Variants in TNFSF13B observed in about 807,000 individuals in gnomAD.
The protein encoded by TNFSF13B is tumor necrosis factor ligand superfamily member 13B.
TNFSF13B carries 8 observed loss-of-function variants against 29.1 expected under a neutral mutation model. The ratio of observed to expected loss-of-function variants is 0.27; its 90% CI spans 0.16 to 0.50. The LOEUF is 0.50. TNFSF13B is among the 20% of genes least tolerant of loss of function. The probability of loss-of-function intolerance (pLI) is 0.98; values close to 1 mark genes in which losing one functional copy is unlikely to be tolerated. For missense variants in TNFSF13B, 248 were observed against 334.9 expected (o/e 0.74, Z 2.03); for synonymous variants, 125 against 130.8 (o/e 0.96, Z 0.30).
chr13:108,280,416 A>G (rs1178079630), intron 2 of TNFSF13B, among the ~76,000 whole-genome samples: 1 of 152,174 alleles, frequency 6.6e-6, no homozygotes, highest in Non-Finnish European at 1.5e-5. Flanking sequence ...GTGAAGATTT[A>G]ATTGCTGATT....
intron 2 of TNFSF13B, among the ~76,000 whole-genome samples, chr13:108,273,257 T>C (rs975676198): frequency 1.3e-5 from 2 of 152,122 alleles, no homozygotes; most frequent in African/African-American, 4.8e-5. Context: ...ATAAACCTAT[T>C]GGAAAATTAT....
intron 2 of TNFSF13B, among the ~76,000 whole-genome samples, chr13:108,284,348 A>G (rs996559562): frequency 3.7e-5 from 5 of 133,396 alleles, no homozygotes; most frequent in African/African-American, 1.0e-4. Context: ...ATAAATAAAT[A>G]AATAAATGAA....
rs1019655197 is a variant in TNFSF13B, at chr13:108,308,020, C to T, written c.*1082C>T. 6.6e-6 allele frequency: 1 copy of T among 151,802 alleles called. No homozygotes were observed. Among genetic ancestry groups the T allele is most frequent in the Non-Finnish European group, 1.5e-5 (1 of 67,866 alleles). The allele number at this position is 151,802 out of a possible 1,614,324, so 9.4% of individuals were successfully genotyped here. On this transcript the variant is annotated 3_prime_UTR_variant, in exon 6 of 6. Transcript: ENST00000375887. ...TCCCGGTTTTCATTTTATAAAGTAC[C>T]ATACTTAAGAATGCTGTAATACTTA...
intron 2 of TNFSF13B, among the ~76,000 whole-genome samples, chr13:108,281,450 A>G (rs1176934016): frequency 6.6e-6 from 1 of 152,098 alleles, no homozygotes; most frequent in Non-Finnish European, 1.5e-5. Context: ...CACGACTTCA[A>G]TTTTTCTTCA....
chr13:108,270,938 A>C (rs1264080820), intron 2 of TNFSF13B, among the ~76,000 whole-genome samples: 1 of 150,682 alleles, frequency 6.6e-6, no homozygotes, highest in African/African-American at 2.5e-5. Flanking sequence ...TTATTTGTTA[A>C]AAAGGTTATT....
At chr13:108,295,140 A>G (rs777826827) in intron 3 of TNFSF13B, among the ~76,000 whole-genome samples, 6 of 144,328 alleles carry the variant, frequency 4.2e-5, no homozygotes, top group Admixed American at 3.4e-4. Context: ...TTTTGTTCAT[A>G]TTTTTCAAAA....
chr13:108,286,112 CTCTT>C (rs1196101882), intron 2 of TNFSF13B, among the ~76,000 whole-genome samples: 1 of 152,190 alleles, frequency 6.6e-6, no homozygotes, highest in Admixed American at 6.5e-5. Context: ...TGTTCTATCT[CTCTT>C]TCTCTCTTTG....
At chr13:108,284,117 C>T (rs1228740475) in intron 2 of TNFSF13B, among the ~76,000 whole-genome samples, 1 of 152,076 alleles carries the variant, frequency 6.6e-6, no homozygotes. Context: ...TTCACGAGGT[C>T]AGGAGATCGA....
intron 3 of TNFSF13B, among the ~76,000 whole-genome samples, chr13:108,297,421 G>T (rs1012291660): frequency 6.9e-6 from 1 of 145,270 alleles, no homozygotes; most frequent in African/African-American, 2.6e-5. Flanking sequence ...GTCTTGGTAG[G>T]AATCTTTTGT....
intron 2 of TNFSF13B, among the ~76,000 whole-genome samples, chr13:108,286,197 C>G (rs1396754254): frequency 6.6e-6 from 1 of 152,186 alleles, no homozygotes; most frequent in Non-Finnish European, 1.5e-5. Context: ...ATTCTGGTCC[C>G]ATCACTTTCT....
At chr13:108,276,507 T>A (rs1880766655) in intron 2 of TNFSF13B, among the ~76,000 whole-genome samples, 2 of 152,354 alleles carry the variant, frequency 1.3e-5, no homozygotes, top group Admixed American at 1.3e-4. Context: ...ATATTGTGTC[T>A]CTTTTACACA....
At chr13:108,282,862 A>AT (rs1491317812) in intron 2 of TNFSF13B, among the ~76,000 whole-genome samples, 1 of 152,182 alleles carries the variant, frequency 6.6e-6, no homozygotes, top group Non-Finnish European at 1.5e-5. Flanking sequence ...AATAACAAAC[A>AT]TAAAAAAAAC....
intron 3 of TNFSF13B, among the ~76,000 whole-genome samples, chr13:108,302,463 G>T (rs1234907139): frequency 2.0e-5 from 3 of 152,120 alleles, no homozygotes; most frequent in Non-Finnish European, 4.4e-5. Context: ...GAATTCACAG[G>T]AAAGGAATGT....
Position 108,298,949 on chromosome 13 carries a change from G to A in TNFSF13B, c.482-4304G>A, listed in dbSNP as rs144590605. ...TGGCACCCCTGTCTCCAGCCTGGGCGACAGAGCAAGACTTGGGAAAAACAA... is the reference window on the plus strand; with the variant it reads ...TGGCACCCCTGTCTCCAGCCTGGGCAACAGAGCAAGACTTGGGAAAAACAA... On this transcript the variant is annotated intron_variant, in intron 3 of 5. Transcript: ENST00000375887. Among the ~76,000 whole-genome samples the A allele has an allele frequency of 1.3e-3, 193 of 145,482 alleles. 26 individuals carry two copies. Among genetic ancestry groups the A allele is most frequent in the African/African-American group, 4.8e-3 (186 of 38,708 alleles).
chr13:108,271,405 A>G (rs1037544599), intron 2 of TNFSF13B, among the ~76,000 whole-genome samples: 1 of 150,774 alleles, frequency 6.6e-6, no homozygotes, highest in Non-Finnish European at 1.5e-5. Context: ...AGAGAATTGC[A>G]TAAGAAATGT....
At chr13:108,273,598 T>G (rs938024727) in intron 2 of TNFSF13B, among the ~76,000 whole-genome samples, 1 of 152,202 alleles carries the variant, frequency 6.6e-6, no homozygotes, top group Admixed American at 6.5e-5. Flanking sequence ...GCTACTGCAG[T>G]GAGCTCAAGT....
chr13:108,295,401 C>T (rs982393464), intron 3 of TNFSF13B, among the ~76,000 whole-genome samples: 1 of 144,894 alleles, frequency 6.9e-6, no homozygotes, highest in African/African-American at 2.6e-5. Context: ...CCATGTTGGT[C>T]AGACTGGTCT....
At chr13:108,299,817 A>T (rs1258050576) in intron 3 of TNFSF13B, among the ~76,000 whole-genome samples, 1 of 152,040 alleles carries the variant, frequency 6.6e-6, no homozygotes, top group Admixed American at 6.6e-5. Context: ...ACAATATATA[A>T]AAATAAGTAA....
intron 2 of TNFSF13B, among the ~76,000 whole-genome samples, chr13:108,280,022 T>C (rs961025985): frequency 4.6e-5 from 7 of 151,898 alleles, no homozygotes; most frequent in African/African-American, 1.7e-4. Flanking sequence ...GTAATACCCA[T>C]TTCTTCCACT....
Sources: allele counts gnomAD v4.1 joint callset (sites outside exome capture counted in the v4.1 genomes callset), GRCh38; gene constraint gnomAD v4.1.1; transcripts MANE v1.5; gene names NCBI Gene and HGNC (gene_info 2026-07-23, HGNC 2026-07-21).